Variants in CADM2 observed in about 807,000 individuals in gnomAD.
The protein encoded by CADM2 is cell adhesion molecule 2, also known as immunoglobulin superfamily member 4D.
In CADM2, 12 loss-of-function variants were observed where a neutral mutation model predicts 49.8. The observed-to-expected ratio is 0.24, with a 90% CI of 0.15 to 0.39. The LOEUF is 0.39. Ranked by LOEUF, CADM2 falls within the 10% of genes least tolerant of loss-of-function variation. The pLI, the probability that CADM2 is intolerant of heterozygous loss-of-function variation, is 1.00. For synonymous variants in CADM2, 214 were observed against 175.4 expected, an observed-to-expected ratio of 1.22 and a Z score of -1.74; for missense variants, 378 against 492.3, an observed-to-expected ratio of 0.77 and a Z score of 2.20.
intron 1 of CADM2, among the ~76,000 whole-genome samples, chr3:85,518,904 T>C (rs1033721455): frequency 6.6e-6 from 1 of 152,182 alleles, no homozygotes; most frequent in Admixed American, 6.5e-5. Flanking sequence ...GAATTAAGAT[T>C]GGATGTCTTC....
At chr3:85,607,555 T>C (rs1303302588) in intron 1 of CADM2, among the ~76,000 whole-genome samples, 1 of 152,206 alleles carries the variant, frequency 6.6e-6, no homozygotes, top group Non-Finnish European at 1.5e-5. Context: ...CTTGAGGTGA[T>C]GGATTCTCCA....
At chr3:85,388,475 A>C (rs926675501) in intron 1 of CADM2, among the ~76,000 whole-genome samples, 10 of 152,184 alleles carry the variant, frequency 6.6e-5, no homozygotes, top group African/African-American at 2.4e-4. Flanking sequence ...TGTACATTAA[A>C]AAATCATGTT....
chr3:85,128,810 T>A (rs1290355483), intron 1 of CADM2, among the ~76,000 whole-genome samples: 1 of 151,712 alleles, frequency 6.6e-6, no homozygotes, highest in Middle Eastern at 3.2e-3. Context: ...AAAAGCAGAG[T>A]TTTTAGAGAG....
intron 1 of CADM2, among the ~76,000 whole-genome samples, chr3:85,575,074 G>A (rs1399184090): frequency 6.6e-6 from 1 of 152,118 alleles, no homozygotes; most frequent in Non-Finnish European, 1.5e-5. Context: ...CCCCATCAGT[G>A]CAAGCCTGAG....
chr3:85,854,577 A>G (rs1410447458), intron 3 of CADM2, among the ~76,000 whole-genome samples: 1 of 152,162 alleles, frequency 6.6e-6, no homozygotes, highest in Non-Finnish European at 1.5e-5. Flanking sequence ...GGAGTTGAAC[A>G]AAGAGAACGC....
At chr3:85,365,199 C>CT (rs397962829) in intron 1 of CADM2, among the ~76,000 whole-genome samples, 1,612 of 104,670 alleles carry the variant, frequency 0.015, 54 homozygotes, top group African/African-American at 0.054. Flanking sequence ...TTTTTTTTTA[C>CT]TTTTTTTTTT....
At chr3:85,872,509 T>C (rs896185434) in intron 3 of CADM2, among the ~76,000 whole-genome samples, 13 of 152,020 alleles carry the variant, frequency 8.6e-5, no homozygotes, top group Non-Finnish European at 1.3e-4. Context: ...TTATACTCAT[T>C]TATAAAAGAT....
At chr3:85,099,933 T>A (rs892750651) in intron 1 of CADM2, among the ~76,000 whole-genome samples, 1 of 152,212 alleles carries the variant, frequency 6.6e-6, no homozygotes, top group Non-Finnish European at 1.5e-5. Flanking sequence ...TCATGACTCA[T>A]TTAAAAAGTT....
chr3:85,354,485 C>T (rs1446211578), intron 1 of CADM2, among the ~76,000 whole-genome samples: 1 of 151,272 alleles, frequency 6.6e-6, no homozygotes, highest in Non-Finnish European at 1.5e-5. Context: ...CACATGTACC[C>T]TAAAACTTAA....
At chr3:85,903,914 G>A (rs761283858) in intron 5 of CADM2, among the ~76,000 whole-genome samples, 23 of 152,126 alleles carry the variant, frequency 1.5e-4, no homozygotes, top group Admixed American at 3.3e-4. Context: ...GTTTTGTTTT[G>A]TTTTTTCTTG....
intron 1 of CADM2, among the ~76,000 whole-genome samples, chr3:85,558,710 A>G (rs1027235286): frequency 5.3e-5 from 8 of 152,034 alleles, no homozygotes; most frequent in Non-Finnish European, 8.8e-5. Context: ...GTTTGGAGAA[A>G]TGTTAATTGA....
At chr3:85,746,627 T>C (rs1010131314) in intron 2 of CADM2, among the ~76,000 whole-genome samples, 1 of 152,162 alleles carries the variant, frequency 6.6e-6, no homozygotes, top group Admixed American at 6.6e-5. Context: ...TGAATAAAAG[T>C]CTCTTTCTCT....
At chr3:85,157,838 A>G (rs1326883527) in intron 1 of CADM2, among the ~76,000 whole-genome samples, 1 of 152,208 alleles carries the variant, frequency 6.6e-6, no homozygotes, top group African/African-American at 2.4e-5. Context: ...AAATTGACAA[A>G]TGGGATCTAA....
chr3:85,365,304 C>T (rs909215077), intron 1 of CADM2, among the ~76,000 whole-genome samples: 16 of 145,162 alleles, frequency 1.1e-4, no homozygotes, highest in Non-Finnish European at 1.5e-4. Context: ...GAGGGCTTTT[C>T]TCTTTGCCAC....
At chr3:85,326,851 AT>A (rs1359908571) in intron 1 of CADM2, among the ~76,000 whole-genome samples, 1 of 152,110 alleles carries the variant, frequency 6.6e-6, no homozygotes, top group African/African-American at 2.4e-5. Flanking sequence ...TAATTACACT[AT>A]TTTATAGCTT....
At chr3:85,356,929 A>G (rs2031909919) in intron 1 of CADM2, among the ~76,000 whole-genome samples, 1 of 152,160 alleles carries the variant, frequency 6.6e-6, no homozygotes, top group Non-Finnish European at 1.5e-5. Context: ...GAGATGATAC[A>G]TGATATCACT....
chr3:85,716,373 T>TA (rs1433599268), intron 1 of CADM2, among the ~76,000 whole-genome samples: 1 of 152,238 alleles, frequency 6.6e-6, no homozygotes, highest in Non-Finnish European at 1.5e-5. Flanking sequence ...CTTGTAAACT[T>TA]ACTTAAGTTC....
chr3:85,948,592 CT>C (rs1402288465), intron 7 of CADM2, among the ~76,000 whole-genome samples: 20 of 151,054 alleles, frequency 1.3e-4, no homozygotes, highest in Admixed American at 6.6e-4. Flanking sequence ...AAAATACATC[CT>C]AAAAGAAATT....
At chr3:85,438,124 T>C (rs1345897509) in intron 1 of CADM2, among the ~76,000 whole-genome samples, 1 of 152,064 alleles carries the variant, frequency 6.6e-6, no homozygotes, top group Admixed American at 6.6e-5. Context: ...TGAATTCTTA[T>C]TTATTTATTG....
Sources: gnomAD v4.1 joint callset for allele counts (sites outside exome capture counted in the v4.1 genomes callset) on GRCh38, gnomAD v4.1.1 for gene constraint, MANE v1.5 for transcripts, NCBI Gene and HGNC (gene_info 2026-07-23, HGNC 2026-07-21) for gene names.